Variants in PLPP4 observed in about 807,000 individuals in gnomAD.
PLPP4 encodes the protein diacylglycerol pyrophosphate like 2.
PLPP4 carries 20 observed loss-of-function variants against 32.2 expected under a neutral mutation model. That is an observed-to-expected ratio of 0.62 (90% confidence interval 0.44 to 0.90). The LOEUF (loss-of-function observed/expected upper bound fraction) is 0.90. PLPP4 is among the 40% of genes least tolerant of loss of function. The pLI is 0.00. For synonymous variants in PLPP4, 127 were observed against 133.0 expected (o/e 0.95, Z 0.31); for missense variants, 257 against 353.1 (o/e 0.73, Z 2.18).
chr10:120,544,174 G>A (rs1847498687), intron 5 of PLPP4, among the ~76,000 whole-genome samples: 1 of 152,156 alleles, frequency 6.6e-6, no homozygotes, highest in South Asian at 2.1e-4. Context: ...TGTTTTTAAT[G>A]TTTTGAGGAA....
intron 5 of PLPP4, among the ~76,000 whole-genome samples, chr10:120,543,151 C>T (rs1847433319): frequency 6.6e-6 from 1 of 152,214 alleles, no homozygotes; most frequent in South Asian, 2.1e-4. Context: ...CTGCCTGCCA[C>T]AGCTAAGTGA....
intron 5 of PLPP4, among the ~76,000 whole-genome samples, chr10:120,567,005 C>T (rs902598635): frequency 3.9e-5 from 6 of 152,178 alleles, no homozygotes; most frequent in Non-Finnish European, 7.4e-5. Context: ...CAGACATGCT[C>T]GGGGCCAAGT....
At chr10:120,490,314 A>T (rs1844659600) in intron 1 of PLPP4, among the ~76,000 whole-genome samples, 2 of 152,258 alleles carry the variant, frequency 1.3e-5, no homozygotes. Context: ...TGAGAAGTTC[A>T]GAGTTTGCAG....
chr10:120,520,520 G>C (rs75924284), intron 4 of PLPP4, among the ~76,000 whole-genome samples: 1 of 152,268 alleles, frequency 6.6e-6, no homozygotes, highest in South Asian at 2.1e-4. Context: ...ACAATAGAGC[G>C]GTAGATCAAG....
intron 1 of PLPP4, among the ~76,000 whole-genome samples, chr10:120,466,150 C>A (rs1264442963): frequency 6.6e-6 from 1 of 152,138 alleles, no homozygotes; most frequent in Non-Finnish European, 1.5e-5. Context: ...CTGTAATCTC[C>A]ATCTGCTGAG....
In PLPP4 at chr10:120,552,642, A is replaced by G. The variant is rs146936308; in HGVS notation, c.446-22489A>G. 1.9e-3 allele frequency among the ~76,000 whole-genome samples: 284 copies of G among 152,200 alleles called. 2 individuals are homozygous for G. The highest frequency in any genetic ancestry group is 6.5e-3 in the African/African-American group (271 of 41,530). ...CTGGTGGGTGAGAAGCACCATTTTG[A>G]CTGTCTTGACAAGCGGTTTGGCTGC... On this transcript the variant is annotated intron_variant, in intron 5 of 6. Coordinates refer to ENST00000398250, the MANE Select transcript of PLPP4 (RefSeq NM_001030059.3).
rs780825340 is a variant in PLPP4, at chr10:120,521,112, G to T, written c.445+17G>T. The T allele has an allele frequency of 6.2e-7, 1 of 1,613,580 alleles. No individual in the cohort carries two copies. Among genetic ancestry groups the T allele is most frequent in the South Asian group, 1.1e-5 (1 of 90,992 alleles). On this transcript the variant is annotated intron_variant, in intron 5 of 6. Transcript: ENST00000398250. The stretch of plus-strand genomic sequence containing the variant: ...ATTCCTCCTGTAAGTTCATGGCTGG[G>T]ATTCTCTTAATGCCCCCAGTCATGT...
intron 6 of PLPP4, 41 bp downstream of exon 6, chr10:120,575,342 T>C: frequency 6.3e-7 from 1 of 1,591,774 alleles, no homozygotes. Flanking sequence ...TCACTGTGGT[T>C]GCCCCTCTCC....
intron 1 of PLPP4, among the ~76,000 whole-genome samples, chr10:120,480,541 C>CT (rs1440465463): frequency 1.3e-5 from 2 of 152,162 alleles, no homozygotes; most frequent in Non-Finnish European, 2.9e-5. Context: ...GCATCTGAAA[C>CT]TAACAAGGTA....
At chr10:120,589,264 T>C (rs749504274) in intron 6 of PLPP4, 39 bp from the exon 7 acceptor site, 7 of 1,592,780 alleles carry the variant, frequency 4.4e-6, no homozygotes, top group African/African-American at 2.7e-5. Context: ...TTTGAACAAA[T>C]GGTAACCCAT....
At chr10:120,473,820 C>A (rs1179351767) in intron 1 of PLPP4, among the ~76,000 whole-genome samples, 2 of 152,138 alleles carry the variant, frequency 1.3e-5, no homozygotes, top group Non-Finnish European at 2.9e-5. Flanking sequence ...TTCCCCTTTG[C>A]CCTTCTGCTA....
intron 5 of PLPP4, among the ~76,000 whole-genome samples, chr10:120,528,078 T>C (rs1209186958): frequency 7.2e-6 from 1 of 139,696 alleles, no homozygotes; most frequent in African/African-American, 2.8e-5. Flanking sequence ...CGTTTTTTTT[T>C]TTTTTTTTTT....
intron 6 of PLPP4, among the ~76,000 whole-genome samples, chr10:120,578,711 A>G (rs1207234655): frequency 6.6e-6 from 1 of 152,240 alleles, no homozygotes. Context: ...GAAAATACAG[A>G]GGCACAGGCC....
upstream of PLPP4, chr10:120,457,203 C>T (rs866613963): frequency 9.7e-5 from 83 of 855,892 alleles, no homozygotes; most frequent in South Asian, 2.1e-3. Flanking sequence ...CGGCCTGGAG[C>T]GCGCCTCCCT....
intron 5 of PLPP4, among the ~76,000 whole-genome samples, chr10:120,539,320 C>G (rs1847226396): frequency 6.6e-6 from 1 of 152,164 alleles, no homozygotes; most frequent in African/African-American, 2.4e-5. Context: ...ATTCTGTGGT[C>G]TCTTTCAGCC....
At chr10:120,559,238 G>A (rs762604372) in intron 5 of PLPP4, among the ~76,000 whole-genome samples, 2 of 150,986 alleles carry the variant, frequency 1.3e-5, no homozygotes, top group Non-Finnish European at 2.9e-5. Flanking sequence ...AAATATTATG[G>A]ATATTAGTTC....
chr10:120,557,538 T>C (rs1203356207), intron 5 of PLPP4, among the ~76,000 whole-genome samples: 1 of 152,202 alleles, frequency 6.6e-6, no homozygotes, highest in Non-Finnish European at 1.5e-5. Context: ...GTTTCCTTTG[T>C]TGTTTTTTTC....
intron 1 of PLPP4, among the ~76,000 whole-genome samples, chr10:120,486,262 G>GTT (rs879767030): frequency 2.3e-5 from 1 of 43,226 alleles, no homozygotes. Context: ...TTTCATTTAA[G>GTT]TTTTTTTTTT....
chr10:120,562,099 G>T (rs1848463512), intron 5 of PLPP4, among the ~76,000 whole-genome samples: 1 of 152,034 alleles, frequency 6.6e-6, no homozygotes. Flanking sequence ...TATTTATTTA[G>T]GTCTTAATGT....
Sources: allele counts gnomAD v4.1 joint callset (sites outside exome capture counted in the v4.1 genomes callset), GRCh38; gene constraint gnomAD v4.1.1; transcripts MANE v1.5; gene names NCBI Gene and HGNC (gene_info 2026-07-23, HGNC 2026-07-21).